SFMBT1: variants seen among roughly 807,000 people sequenced by gnomAD.
SFMBT1 encodes scm-like with four MBT domains protein 1.
In SFMBT1, 32 loss-of-function variants were observed where a neutral mutation model predicts 108.7. That is an observed-to-expected ratio of 0.29 (90% CI 0.22 to 0.40). The LOEUF (loss-of-function observed/expected upper bound fraction) is 0.40. Among genes scored for constraint, SFMBT1 ranks in the 10% least tolerant of loss-of-function variants. SFMBT1 has a pLI of 1.00. For synonymous variants in SFMBT1, 348 were observed against 369.5 expected (o/e 0.94, Z 0.67); for missense variants, 816 against 1,059.6 (o/e 0.77, Z 3.19).
chr3:53,018,155 A>C (rs1469190552), intron 1 of SFMBT1: 1 of 152,082 alleles, frequency 6.6e-6, no homozygotes, highest in Non-Finnish European at 1.5e-5. Context: ...CACTTGAACC[A>C]GGGGAGGTGG....
chr3:52,945,163 G>A lies in SFMBT1; in HGVS notation c.124-1570C>T, dbSNP rs554169172. On this transcript the variant is annotated intron_variant, in intron 3 of 20. Coordinates refer to ENST00000394752, the MANE Select transcript of SFMBT1 (RefSeq NM_016329.4). Reference sequence around the variant, plus strand: ...AAAAAAAAAAAAAACAAGGACTTCAGGGAAAAAAGCTTATTCCGATTCTGG... The same window carrying A: ...AAAAAAAAAAAAAACAAGGACTTCAAGGAAAAAAGCTTATTCCGATTCTGG... 9.8e-4 allele frequency among the ~76,000 whole-genome samples: 50 copies of A among 50,936 alleles called. No individual in the cohort carries two copies. In the South Asian group the frequency reaches 0.045, roughly 46 times the overall value. The allele number at this position is 50,936 out of a possible 152,430, so 33.4% of individuals were successfully genotyped here.
At chr3:52,964,394 T>C (rs992859168) in intron 2 of SFMBT1, among the ~76,000 whole-genome samples, 1 of 152,100 alleles carries the variant, frequency 6.6e-6, no homozygotes, top group African/African-American at 2.4e-5. Flanking sequence ...TGTGCCTGTG[T>C]TCCCAGCTAC....
chr3:52,909,433 A>G (rs556270467), intron 17 of SFMBT1, among the ~76,000 whole-genome samples: 13 of 152,136 alleles, frequency 8.5e-5, no homozygotes, highest in African/African-American at 3.1e-4. Flanking sequence ...TAGAAACTAG[A>G]AGGTTAGACT....
At chr3:52,938,091 G>A (rs555346404) in intron 4 of SFMBT1, among the ~76,000 whole-genome samples, 1 of 152,160 alleles carries the variant, frequency 6.6e-6, no homozygotes, top group South Asian at 2.1e-4. Context: ...TCCTTTGTCA[G>A]CTATCAAGAC....
chr3:52,907,060 A>G lies in SFMBT1; in HGVS notation c.2331+9T>C, dbSNP rs1702081554. ...AGAAAGAAAAAAGAAACTATTTTTT[A>G]AATGGTACCTTTGGTGAAGGAGGTT... On this transcript the variant is annotated intron_variant, in intron 19 of 20. Transcript: ENST00000394752. The G allele has an allele frequency of 6.3e-7, 1 of 1,589,726 alleles. No homozygotes were observed. Among genetic ancestry groups the G allele is most frequent in the Non-Finnish European group, 8.5e-7 (1 of 1,171,500 alleles).
Position 52,923,235 on chromosome 3 carries a change from C to A in SFMBT1, c.1132-1404G>T, listed in dbSNP as rs184023238. 5.8e-4 allele frequency among the ~76,000 whole-genome samples: 88 copies of A among 152,192 alleles called. 1 individual carries two copies. Among genetic ancestry groups the A allele is most frequent in the Admixed American group, 2.1e-3 (32 of 15,270 alleles). On this transcript the variant is annotated intron_variant, in intron 10 of 20. Transcript: ENST00000394752. ...GTGTGGGGGGTGGATTAATTAACAGCCTCTGAGAGATAAGAAAAACTATTG... is the reference window on the plus strand; with the variant it reads ...GTGTGGGGGGTGGATTAATTAACAGACTCTGAGAGATAAGAAAAACTATTG...
At chr3:53,027,906 C>T (rs1699551570) in intron 1 of SFMBT1, among the ~76,000 whole-genome samples, 1 of 152,114 alleles carries the variant, frequency 6.6e-6, no homozygotes, top group African/African-American at 2.4e-5. Flanking sequence ...TGGTGATGAC[C>T]TTGAGCACTA....
intron 5 of SFMBT1, among the ~76,000 whole-genome samples, chr3:52,933,322 A>C (rs1179599190): frequency 6.6e-6 from 1 of 152,228 alleles, no homozygotes; most frequent in Non-Finnish European, 1.5e-5. Flanking sequence ...AACAATGTTC[A>C]AATGAACAGA....
chr3:52,988,703 G>A (rs562613312), intron 1 of SFMBT1, among the ~76,000 whole-genome samples: 2 of 152,228 alleles, frequency 1.3e-5, no homozygotes, highest in South Asian at 4.1e-4. Flanking sequence ...GATGTACTAC[G>A]TAACACATTA....
At chr3:53,004,729 A>C (rs1698680399) in intron 1 of SFMBT1, among the ~76,000 whole-genome samples, 1 of 150,112 alleles carries the variant, frequency 6.7e-6, no homozygotes, top group African/African-American at 2.4e-5. Flanking sequence ...CTCCATCTTA[A>C]GCCCCTAAAG....
intron 2 of SFMBT1, among the ~76,000 whole-genome samples, chr3:52,955,520 A>T (rs1703750288): frequency 6.6e-6 from 1 of 152,072 alleles, no homozygotes; most frequent in Non-Finnish European, 1.5e-5. Context: ...GATAAAGGAG[A>T]TATCACCACC....
chr3:52,918,855 A>C (rs1235382469), intron 12 of SFMBT1, among the ~76,000 whole-genome samples: 5 of 152,080 alleles, frequency 3.3e-5, no homozygotes, highest in East Asian at 1.9e-4. Context: ...GTGGTCCCCA[A>C]CCTTTTTGGC....
Position 53,033,309 on chromosome 3 carries a change from C to T in SFMBT1, c.-131+12507G>A, listed in dbSNP as rs1450102438. 2.0e-5 allele frequency among the ~76,000 whole-genome samples: 3 copies of T among 151,998 alleles called. 1 individual carries two copies. Among genetic ancestry groups the T allele is most frequent in the South Asian group, 4.2e-4 (2 of 4,816 alleles). The stretch of plus-strand genomic sequence containing the variant: ...CCAAGTAGCTGGGATTACAGGCACA[C>T]ATCACCACGCCCAGCTAACTTTTGT... On this transcript the variant is annotated intron_variant, in intron 1 of 20. Coordinates refer to ENST00000394752, the MANE Select transcript of SFMBT1 (RefSeq NM_016329.4).
intron 8 of SFMBT1, 35 bp downstream of exon 8, chr3:52,930,294 A>C: frequency 7.8e-7 from 1 of 1,289,048 alleles, no homozygotes. Flanking sequence ...TCACCTTGAC[A>C]GGGATTCTTA....
chr3:53,001,983 G>T (rs1394908147), intron 1 of SFMBT1, among the ~76,000 whole-genome samples: 2 of 140,272 alleles, frequency 1.4e-5, no homozygotes, highest in African/African-American at 5.3e-5. Context: ...ATAAATGAAA[G>T]ATTACTGCCT....
In SFMBT1 at chr3:52,950,536, G is replaced by A. The variant is rs181775676; in HGVS notation, c.123+3781C>T. Among the ~76,000 whole-genome samples, 108 of 152,072 alleles carry A rather than the reference G, an allele frequency of 7.1e-4. 1 individual carries two copies. The highest frequency in any genetic ancestry group is 1.7e-3 in the Admixed American group (26 of 15,276). On this transcript the variant is annotated intron_variant, in intron 3 of 20. Coordinates refer to ENST00000394752, the MANE Select transcript of SFMBT1 (RefSeq NM_016329.4). ...GTTGCCCAGGCTGGAGTGCAATGGC[G>A]CAATCTCAGCTCACTGCAACCTCCG... is the stretch of plus-strand genomic sequence containing the variant.
intron 1 of SFMBT1, among the ~76,000 whole-genome samples, chr3:53,030,683 CAAAAAAA>C (rs10668462): frequency 0.081 from 6,676 of 82,814 alleles, 565 homozygotes; most frequent in African/African-American, 0.24. Flanking sequence ...GGCCATAATG[CAAAAAAA>C]AAAAAAAAAA....
chr3:52,991,219 C>T (rs538414840), intron 1 of SFMBT1, among the ~76,000 whole-genome samples: 1 of 152,282 alleles, frequency 6.6e-6, no homozygotes, highest in South Asian at 2.1e-4. Flanking sequence ...ACACCATTCC[C>T]ATGTGCCAAC....
chr3:53,010,654 AATG>A (rs1330538027), intron 1 of SFMBT1, among the ~76,000 whole-genome samples: 1 of 150,098 alleles, frequency 6.7e-6, no homozygotes, highest in Non-Finnish European at 1.5e-5. Flanking sequence ...GTTTTTCTGT[AATG>A]ATGTTATTTA....
Sources: gnomAD v4.1 joint callset for allele counts (sites outside exome capture counted in the v4.1 genomes callset) on GRCh38, gnomAD v4.1.1 for gene constraint, MANE v1.5 for transcripts, NCBI Gene and HGNC (gene_info 2026-07-23, HGNC 2026-07-21) for gene names.